Variants in SHISA9 observed in about 807,000 individuals in gnomAD.
SHISA9 encodes protein shisa-9.
SHISA9 carries 13 observed loss-of-function variants against 38.0 expected under a neutral mutation model. The ratio of observed to expected loss-of-function variants is 0.34; its 90% CI spans 0.22 to 0.54. SHISA9 has a LOEUF of 0.54. SHISA9 is among the 20% of genes least tolerant of loss of function. The probability of loss-of-function intolerance (pLI) is 0.91; values close to 1 mark genes in which losing one functional copy is unlikely to be tolerated. For missense variants in SHISA9, 538 were observed against 575.8 expected, an observed-to-expected ratio of 0.93 and a Z score of 0.67; for synonymous variants, 275 against 242.0, an observed-to-expected ratio of 1.14 and a Z score of -1.27.
intron 2 of SHISA9, among the ~76,000 whole-genome samples, chr16:12,977,260 C>G (rs552488792): frequency 6.6e-6 from 1 of 152,204 alleles, no homozygotes; most frequent in Non-Finnish European, 1.5e-5. Flanking sequence ...ATGGCCCTTG[C>G]TCTCAGGGAA....
At chr16:13,008,809 T>G (rs2072634128) in intron 2 of SHISA9, among the ~76,000 whole-genome samples, 1 of 152,038 alleles carries the variant, frequency 6.6e-6, no homozygotes, top group Non-Finnish European at 1.5e-5. Flanking sequence ...CCTTTTTTCT[T>G]CATAAATTAC....
chr16:13,476,731 G>A, the SHISA9 span, among the ~76,000 whole-genome samples: 1 of 94,996 alleles, frequency 1.1e-5, no homozygotes, highest in Non-Finnish European at 2.2e-5. Flanking sequence ...AAGCACGCCT[G>A]TTTTGTGTTT....
the SHISA9 span, among the ~76,000 whole-genome samples, chr16:13,436,637 C>G: frequency 1.3e-5 from 2 of 152,142 alleles, no homozygotes; most frequent in African/African-American, 4.8e-5. Context: ...GTGGACTCAC[C>G]CTGGATTCTT....
At chr16:13,227,583 A>G (rs1167694316) in intron 4 of SHISA9, among the ~76,000 whole-genome samples, 1 of 152,230 alleles carries the variant, frequency 6.6e-6, no homozygotes, top group Non-Finnish European at 1.5e-5. Context: ...TCCGGGAGGT[A>G]ACTGGATATA....
chr16:13,340,198 T>C, the SHISA9 span, among the ~76,000 whole-genome samples: 3 of 152,202 alleles, frequency 2.0e-5, no homozygotes, highest in African/African-American at 7.2e-5. Flanking sequence ...TCTCTCATTT[T>C]ACAGAGGAGG....
intron 2 of SHISA9, among the ~76,000 whole-genome samples, chr16:13,164,198 C>T (rs2050617710): frequency 6.6e-6 from 1 of 151,926 alleles, no homozygotes; most frequent in Non-Finnish European, 1.5e-5. Context: ...ATTGGTGATA[C>T]ACATTGCATT....
intron 2 of SHISA9, among the ~76,000 whole-genome samples, chr16:13,027,933 CAA>C (rs1240201539): frequency 2.9e-5 from 3 of 103,700 alleles, no homozygotes; most frequent in Non-Finnish European, 1.8e-5. Flanking sequence ...GTCTCAAAAA[CAA>C]AAAAAAAAAA....
intron 2 of SHISA9, among the ~76,000 whole-genome samples, chr16:12,969,156 CAAAAGAAAAAAAAA>C (rs1378250232): frequency 1.6e-5 from 2 of 126,226 alleles, no homozygotes; most frequent in African/African-American, 2.9e-5. Flanking sequence ...GACTCCATCT[CAAAAGAAAAAAAAA>C]AAAAGAAAAA....
chr16:13,137,914 C>A (rs538403992), intron 2 of SHISA9, among the ~76,000 whole-genome samples: 1 of 152,126 alleles, frequency 6.6e-6, no homozygotes, highest in Admixed American at 6.5e-5. Flanking sequence ...ATGGCTAACT[C>A]GTATTTTTCT....
intron 2 of SHISA9, among the ~76,000 whole-genome samples, chr16:13,094,618 C>T (rs191682493): frequency 7.2e-4 from 110 of 152,256 alleles, no homozygotes; most frequent in Admixed American, 2.0e-3. Flanking sequence ...ACTGTTTCTT[C>T]TATTAAATGA....
At chr16:13,424,073 C>G in the SHISA9 span, among the ~76,000 whole-genome samples, 2 of 152,170 alleles carry the variant, frequency 1.3e-5, no homozygotes, top group Admixed American at 1.3e-4. Context: ...AAGCCATATC[C>G]AATCCCATTC....
At chr16:13,313,254 C>CAAA in the SHISA9 span, among the ~76,000 whole-genome samples, 32 of 49,654 alleles carry the variant, frequency 6.4e-4, no homozygotes, top group Non-Finnish European at 1.4e-3. Context: ...GACTCCGTCT[C>CAAA]AAAAAAAAAA....
At chr16:13,517,566 T>C in the SHISA9 span, among the ~76,000 whole-genome samples, 1 of 152,220 alleles carries the variant, frequency 6.6e-6, no homozygotes, top group Admixed American at 6.5e-5. Flanking sequence ...GATCCAATAC[T>C]TTAAACCATC....
At chr16:13,288,334 C>T in the SHISA9 span, among the ~76,000 whole-genome samples, 1 of 152,092 alleles carries the variant, frequency 6.6e-6, no homozygotes, top group East Asian at 1.9e-4. Flanking sequence ...AGAGTGCTTG[C>T]ATGGTCAGGT....
At chr16:13,046,174 A>G (rs1250922682) in intron 2 of SHISA9, among the ~76,000 whole-genome samples, 2 of 152,100 alleles carry the variant, frequency 1.3e-5, no homozygotes, top group Admixed American at 1.3e-4. Context: ...CTGTGTATTT[A>G]TTACACAGCC....
intron 2 of SHISA9, among the ~76,000 whole-genome samples, chr16:12,974,488 T>G (rs1196924932): frequency 7.3e-6 from 1 of 136,300 alleles, no homozygotes; most frequent in East Asian, 2.0e-4. Flanking sequence ...GGTTTTTTTT[T>G]TTTTTTTTTT....
At chr16:13,348,353 C>T in the SHISA9 span, among the ~76,000 whole-genome samples, 1 of 152,172 alleles carries the variant, frequency 6.6e-6, no homozygotes, top group East Asian at 2.0e-4. Flanking sequence ...TGGAACACCT[C>T]AAATTTTGGA....
intron 2 of SHISA9, among the ~76,000 whole-genome samples, chr16:13,040,240 T>C (rs997271258): frequency 4.6e-5 from 7 of 152,336 alleles, no homozygotes; most frequent in African/African-American, 1.4e-4. Context: ...TGCTTCTTGC[T>C]CCTGCTCTTC....
chr16:13,019,884 CTTCTTTCTTTCTTTCTTTCTTTCTTTCT>C (rs1166778591), intron 2 of SHISA9, among the ~76,000 whole-genome samples: 56 of 20,810 alleles, frequency 2.7e-3, no homozygotes, highest in South Asian at 4.7e-3. Context: ...CCCTCCCTCC[CTTCTTTCTTTCTTTCTTTCTTTCTTTCT>C]TTCTTTCTTT....
Sources: gnomAD v4.1 joint callset for allele counts (sites outside exome capture counted in the v4.1 genomes callset) on GRCh38, gnomAD v4.1.1 for gene constraint, MANE v1.5 for transcripts, NCBI Gene and HGNC (gene_info 2026-07-23, HGNC 2026-07-21) for gene names.